Variants in CDK17 observed in about 807,000 individuals in gnomAD.
The protein encoded by CDK17 is cyclin-dependent kinase 17.
In CDK17, 24 loss-of-function variants were observed where a neutral mutation model predicts 77.6. That is an observed-to-expected ratio of 0.31 (90% CI 0.22 to 0.44). The LOEUF is 0.44. Among genes scored for constraint, CDK17 ranks in the 20% least tolerant of loss-of-function variants. CDK17 has a pLI of 1.00. For synonymous variants in CDK17, 203 were observed against 210.4 expected (o/e 0.96, Z 0.30); for missense variants, 429 against 622.5 (o/e 0.69, Z 3.31).
rs561097542 is a variant in CDK17, at chr12:96,382,488, G to T, written c.-30+17498C>A. On this transcript the variant is annotated intron_variant, in intron 1 of 16. Coordinates refer to ENST00000261211, the MANE Select transcript of CDK17 (RefSeq NM_002595.5). ...AAACTATTCCAAAATATCAAGGAGG[G>T]TTTCCTCCCTAACTCATTCTAGGGA... Among the ~76,000 whole-genome samples the T allele has an allele frequency of 3.3e-5, 5 of 152,136 alleles. No individual in the cohort carries two copies. The East Asian group carries it at 5.8e-4, about 18-fold the overall frequency.
chr12:96,304,404 G>A (rs1376247924), intron 5 of CDK17, among the ~76,000 whole-genome samples: 1 of 152,142 alleles, frequency 6.6e-6, no homozygotes, highest in African/African-American at 2.4e-5. Context: ...GGGTGTGGTG[G>A]TGCATACCTA....
At chr12:96,284,949 T>C (rs966733414) in intron 13 of CDK17, among the ~76,000 whole-genome samples, 1 of 152,170 alleles carries the variant, frequency 6.6e-6, no homozygotes. Context: ...AGTACAATTA[T>C]GAATAAGGTA....
intron 1 of CDK17, among the ~76,000 whole-genome samples, chr12:96,340,806 A>C (rs911130985): frequency 2.1e-4 from 32 of 152,298 alleles, no homozygotes; most frequent in African/African-American, 7.7e-4. Flanking sequence ...AGTTTAATAA[A>C]AATTTTTGAG....
chr12:96,346,675 T>C (rs1953215714), intron 1 of CDK17, among the ~76,000 whole-genome samples: 2 of 150,500 alleles, frequency 1.3e-5, no homozygotes, highest in Admixed American at 6.6e-5. Flanking sequence ...CTAGCACTTT[T>C]GGAGGGCAAC....
intron 10 of CDK17, among the ~76,000 whole-genome samples, chr12:96,291,621 C>A: frequency 6.7e-6 from 1 of 148,724 alleles, no homozygotes; most frequent in East Asian, 2.0e-4. Context: ...CCTTGACATT[C>A]CTTTTGCTTT....
chr12:96,385,248 AG>A (rs1953953673), intron 1 of CDK17, among the ~76,000 whole-genome samples: 1 of 147,812 alleles, frequency 6.8e-6, no homozygotes, highest in African/African-American at 2.5e-5. Flanking sequence ...GGAGGCGGAG[AG>A]GTTGCAGTGG....
intron 1 of CDK17, among the ~76,000 whole-genome samples, chr12:96,344,946 G>A (rs1953179804): frequency 6.6e-6 from 1 of 152,112 alleles, no homozygotes; most frequent in Non-Finnish European, 1.5e-5. Context: ...AGGCCAACAT[G>A]CATTAGCTCT....
chr12:96,388,547 T>G (rs1954013503), intron 1 of CDK17, among the ~76,000 whole-genome samples: 2 of 152,224 alleles, frequency 1.3e-5, no homozygotes, highest in African/African-American at 4.8e-5. Context: ...CGATTTTCAT[T>G]CAATTGTCCT....
chr12:96,311,020 G>A (rs757989291), intron 5 of CDK17, 32 bp downstream of exon 5: 1 of 1,569,772 alleles, frequency 6.4e-7, no homozygotes, highest in Admixed American at 2.1e-5. Context: ...AGATCTGATT[G>A]ATGGTGGAGG....
In CDK17 at chr12:96,295,180, C is replaced by T. The variant is rs1311882388; in HGVS notation, c.874-58G>A. ...AAGATGAGACATGCTTTAGTATAAGCATAAATGATGGTAAGCAGAAAAGCA... is the reference window on the plus strand; with the variant it reads ...AAGATGAGACATGCTTTAGTATAAGTATAAATGATGGTAAGCAGAAAAGCA... On this transcript the variant is annotated intron_variant, in intron 9 of 16. Transcript: ENST00000261211. 6 of 1,366,460 alleles carry T rather than the reference C, an allele frequency of 4.4e-6. No individual in the cohort carries two copies. The South Asian group carries it at 5.4e-5, about 12-fold the overall frequency. 84.6% of individuals were successfully genotyped at this position (1,366,460 alleles called of 1,614,324 possible).
At chr12:96,283,547 A>C (rs926566310) in intron 14 of CDK17, 56 bp downstream of exon 14, 21 of 1,034,028 alleles carry the variant, frequency 2.0e-5, no homozygotes, top group Non-Finnish European at 3.0e-5. Context: ...CATTCTACAC[A>C]TGAAGAAGCT....
At chr12:96,284,197 G>A (rs1453036618) in intron 13 of CDK17, among the ~76,000 whole-genome samples, 1 of 152,154 alleles carries the variant, frequency 6.6e-6, no homozygotes, top group Non-Finnish European at 1.5e-5. Flanking sequence ...GTGGCCAGGT[G>A]CAGTGGCTCA....
chr12:96,281,660 C>T (rs1306907630), intron 15 of CDK17: 1 of 152,226 alleles, frequency 6.6e-6, no homozygotes, highest in Non-Finnish European at 1.5e-5. Context: ...AGCCATCGCG[C>T]CCAGTGAAAT....
At chr12:96,381,065 T>G (rs1347450049) in intron 1 of CDK17, among the ~76,000 whole-genome samples, 3 of 152,168 alleles carry the variant, frequency 2.0e-5, no homozygotes, top group Non-Finnish European at 2.9e-5. Flanking sequence ...TAATCCTAAA[T>G]TCATCTTTAA....
chr12:96,368,816 G>GGGGC (rs1565838949), intron 1 of CDK17, among the ~76,000 whole-genome samples: 1 of 90,688 alleles, frequency 1.1e-5, no homozygotes. Context: ...CGGGGGGGGG[G>GGGGC]GGGGGGGGCA....
chr12:96,332,486 CCTGT>C lies in CDK17; in HGVS notation c.118+2229_118+2232del, dbSNP rs532617275. Among the ~76,000 whole-genome samples the C allele has an allele frequency of 1.4e-3, 208 of 152,284 alleles. 1 individual carries two copies. Among genetic ancestry groups the C allele is most frequent in the Admixed American group, 2.6e-3 (40 of 15,302 alleles). ...GCATGGACTGTGTCTGTGTATGTGA[CCTGT>C]CTAACAGCTTTTATACTCTAAAATA... On this transcript the variant is annotated intron_variant, in intron 2 of 16. Transcript: ENST00000261211.
In CDK17 at chr12:96,282,564, G is replaced by A. The variant is rs566595512; in HGVS notation, c.1401C>T (p.Ala467=). The change falls in exon 15 of 17, where the codon GCC becomes GCT. Residue 467 remains alanine, a synonymous_variant. Coordinates refer to ENST00000261211, the MANE Select transcript of CDK17 (RefSeq NM_002595.5). ...ESKKRVSAEE[A]MKHVYFRSLG... ...GACTTCGAAAGTACACATGTTTCAT[G>A]GCCTCTTCAGCTGAAACCCTTTTCT... 2.8e-5 allele frequency: 45 copies of A among 1,612,614 alleles called. No homozygotes were observed. The highest frequency in any genetic ancestry group is 3.3e-5 in the Non-Finnish European group (39 of 1,178,716).
chr12:96,318,807 G>A (rs1316324000), intron 3 of CDK17, among the ~76,000 whole-genome samples: 9 of 121,158 alleles, frequency 7.4e-5, no homozygotes, highest in Admixed American at 2.7e-4. Context: ...GCAGTGTGTA[G>A]AGGGAAATTT....
rs115022457 is a variant in CDK17, at chr12:96,368,966, T to G, written c.-30+31020A>C. Among the ~76,000 whole-genome samples, 453 of 152,234 alleles carry G rather than the reference T, an allele frequency of 3.0e-3. 3 individuals are homozygous for G. Among genetic ancestry groups the G allele is most frequent in the African/African-American group, 0.01 (435 of 41,530 alleles). On this transcript the variant is annotated intron_variant, in intron 1 of 16. Transcript: ENST00000261211. Reference sequence around the variant, plus strand: ...AAGTGGTACTATGAAATTGCTGTATTATTCCAATTTTACTACAAAATCCAT... The same window carrying G: ...AAGTGGTACTATGAAATTGCTGTATGATTCCAATTTTACTACAAAATCCAT...
Sources: allele counts gnomAD v4.1 joint callset (sites outside exome capture counted in the v4.1 genomes callset), GRCh38; gene constraint gnomAD v4.1.1; transcripts MANE v1.5; gene names NCBI Gene and HGNC (gene_info 2026-07-23, HGNC 2026-07-21).